ARL6: variants seen among roughly 807,000 people sequenced by gnomAD.
ARL6 encodes ADP-ribosylation factor-like protein 6.
Under a neutral mutation model 27.1 loss-of-function variants are expected in ARL6, and 18 were observed. The observed-to-expected ratio is 0.66, with a 90% CI of 0.46 to 0.98. The LOEUF (loss-of-function observed/expected upper bound fraction) is 0.98, where lower values mean the gene tolerates loss of function less well. ARL6 is among the 50% of genes least tolerant of loss of function. ARL6 has a pLI of 0.00. For synonymous variants in ARL6, 65 were observed against 72.3 expected (o/e 0.90, Z 0.51); for missense variants, 187 against 214.9 (o/e 0.87, Z 0.81).
In ARL6 at chr3:97,801,184, C is replaced by A. The variant is rs2038242108; in HGVS notation, c.*3135C>A. ...AAATAAATGACTGGTATTACAAGGT[C>A]ACCTAAATAAATAGGTTTGTGTACG... On this transcript the variant is annotated 3_prime_UTR_variant, in exon 8 of 8. Transcript: ENST00000463745. 1 of 152,114 alleles carries A rather than the reference C, an allele frequency of 6.6e-6. No individual in the cohort carries two copies. Among genetic ancestry groups the A allele is most frequent in the Non-Finnish European group, 1.5e-5 (1 of 68,022 alleles). 9.4% of individuals were successfully genotyped at this position (152,114 alleles called of 1,614,324 possible). A position where few individuals can be genotyped will look rare whatever the true frequency, so the allele number is the denominator to read the frequency against.
chr3:97,784,852 G>T, intron 4 of ARL6, 103 bp from the exon 5 acceptor site: 1 of 762,608 alleles, frequency 1.3e-6, no homozygotes. Context: ...ATGGACATAG[G>T]ACATAAGGAG....
At chr3:97,766,015 G>A (rs1162601950) in intron 1 of ARL6, 2 of 152,148 alleles carry the variant, frequency 1.3e-5, no homozygotes, top group Non-Finnish European at 2.9e-5. Flanking sequence ...CTTCTAAATT[G>A]TGTGTCCCAA....
intron 7 of ARL6, among the ~76,000 whole-genome samples, chr3:97,796,085 G>A (rs942216456): frequency 6.6e-6 from 1 of 152,086 alleles, no homozygotes; most frequent in African/African-American, 2.4e-5. Flanking sequence ...CTTCACACAC[G>A]TTTGCAAATT....
At chr3:97,778,039 A>G (rs1467752227) in intron 2 of ARL6, among the ~76,000 whole-genome samples, 3 of 152,184 alleles carry the variant, frequency 2.0e-5, no homozygotes, top group Non-Finnish European at 4.4e-5. Context: ...ACATTTTTTG[A>G]GACTTCTTTA....
chr3:97,794,578 G>T (rs1576478675), intron 7 of ARL6, among the ~76,000 whole-genome samples: 1 of 152,024 alleles, frequency 6.6e-6, no homozygotes, highest in African/African-American at 2.4e-5. Flanking sequence ...ACTGTCTCTA[G>T]ATTTGAAAAG....
At chr3:97,771,737 G>C (rs1445543291) in intron 2 of ARL6, among the ~76,000 whole-genome samples, 3 of 151,924 alleles carry the variant, frequency 2.0e-5, no homozygotes, top group Non-Finnish European at 4.4e-5. Context: ...GAGAGTTTTT[G>C]TCATAAAGAG....
chr3:97,795,450 T>G (rs2037954963), intron 7 of ARL6, among the ~76,000 whole-genome samples: 1 of 152,226 alleles, frequency 6.6e-6, no homozygotes. Flanking sequence ...GAAAGAAGAT[T>G]GATCAAGTAT....
At position 97,780,597 on chromosome 3, in the gene ARL6, T is replaced by C. The variant is rs77906443; in HGVS notation, c.186-18T>C. 0.019 allele frequency: 30,901 copies of C among 1,604,612 alleles called. 577 individuals carry two copies. The highest frequency in any genetic ancestry group is 0.096 in the African/African-American group (7,161 of 74,758). ...TGCTTTAGTTTATAATGTAGTCATGTTTTGCTTCTTTTTGTAGTTTGTCAT... is the reference window on the plus strand; with the variant it reads ...TGCTTTAGTTTATAATGTAGTCATGCTTTGCTTCTTTTTGTAGTTTGTCAT... On this transcript the variant is annotated intron_variant, in intron 3 of 7. Coordinates refer to ENST00000463745, the MANE Select transcript of ARL6 (RefSeq NM_001278293.3).
intron 1 of ARL6, among the ~76,000 whole-genome samples, chr3:97,767,586 G>A (rs1002369646): frequency 4.2e-4 from 64 of 152,224 alleles, no homozygotes; most frequent in African/African-American, 1.5e-3. Flanking sequence ...TAACAATGGG[G>A]CTGGCTTCTG....
chr3:97,798,139 T>C lies in ARL6; in HGVS notation c.*90T>C. The C allele has an allele frequency of 1.5e-6, 2 of 1,311,896 alleles. No homozygotes were observed. Among genetic ancestry groups the C allele is most frequent in the Middle Eastern group, 1.9e-4 (1 of 5,370 alleles). The allele number at this position is 1,311,896 out of a possible 1,614,324, so 81.3% of individuals were successfully genotyped here. ...ACATTTTGTAAAAGATGTTTATGCA[T>C]CAAAAAATATAATTTTCTGCTTGCA... On this transcript the variant is annotated 3_prime_UTR_variant, in exon 8 of 8. Transcript: ENST00000463745.
At position 97,776,939 on chromosome 3, in the gene ARL6, G is replaced by A. The variant is rs575505924; in HGVS notation, c.124-3220G>A. ...CTCCCAAAGTGCTGGGATTACAGGC[G>A]TGAGCCTCCGTGCCTGGCCACCCTT... On this transcript the variant is annotated intron_variant, in intron 2 of 7. Coordinates refer to ENST00000463745, the MANE Select transcript of ARL6 (RefSeq NM_001278293.3). 2.0e-5 allele frequency among the ~76,000 whole-genome samples: 3 copies of A among 152,336 alleles called. No individual in the cohort carries two copies. In the East Asian group the frequency reaches 5.8e-4, roughly 29 times the overall value.
rs1506445 is a variant in ARL6, at chr3:97,765,869, T to C, written c.-28+892T>C. On this transcript the variant is annotated intron_variant, in intron 1 of 7. Transcript: ENST00000463745. ...ATTGACTGGCTTCAATTATCTTTTA[T>C]TTATGCATGCAGAAAGTCAACTTAT... The C allele has an allele frequency of 5.9e-5, 9 of 152,370 alleles. No individual in the cohort carries two copies. In the East Asian group the frequency reaches 1.7e-3, roughly 29 times the overall value. 9.4% of individuals were successfully genotyped at this position (152,370 alleles called of 1,614,324 possible). A position where few individuals can be genotyped will look rare whatever the true frequency, so the allele number is the denominator to read the frequency against.
At position 97,780,515 on chromosome 3, in the gene ARL6, G is replaced by A. The variant is rs1206367726; in HGVS notation, c.186-100G>A. 3.0e-5 allele frequency: 28 copies of A among 939,390 alleles called. No individual in the cohort carries two copies. The Admixed American group carries it at 4.8e-4, about 16-fold the overall frequency. The allele number at this position is 939,390 out of a possible 1,614,324, so 58.2% of individuals were successfully genotyped here. On this transcript the variant is annotated intron_variant, in intron 3 of 7. Transcript: ENST00000463745. The stretch of plus-strand genomic sequence containing the variant: ...TGTAAATTGGCACATGTTGAATATT[G>A]CATATGAAGGGTAATTTCTTTGATT...
chr3:97,783,251 A>G (rs1046756595), intron 4 of ARL6, among the ~76,000 whole-genome samples: 7 of 151,756 alleles, frequency 4.6e-5, no homozygotes, highest in Admixed American at 3.3e-4. Flanking sequence ...TTTGAAATAT[A>G]TAACATATAC....
intron 1 of ARL6, among the ~76,000 whole-genome samples, chr3:97,766,269 T>G (rs1018499393): frequency 3.3e-5 from 5 of 152,182 alleles, no homozygotes; most frequent in Non-Finnish European, 7.3e-5. Context: ...ATAAAGTGAG[T>G]AATAGCAAAT....
rs1460870340 is a variant in ARL6 at position 97,800,026 on chromosome 3, T to G, written c.*1977T>G. 1 of 152,130 alleles carries G rather than the reference T, an allele frequency of 6.6e-6. No individual in the cohort carries two copies. Among genetic ancestry groups the G allele is most frequent in the Non-Finnish European group, 1.5e-5 (1 of 68,004 alleles). The allele number at this position is 152,130 out of a possible 1,614,324, so 9.4% of individuals were successfully genotyped here. On this transcript the variant is annotated 3_prime_UTR_variant, in exon 8 of 8. Coordinates refer to ENST00000463745, the MANE Select transcript of ARL6 (RefSeq NM_001278293.3). ...GTTTTCTTTTTTTTTCTTTTAAAGC[T>G]ATTAACACTACTCAAATTTTAAACT...
rs147977416 is a variant in ARL6 at position 97,791,015 on chromosome 3, C to A, written c.480-756C>A. Among the ~76,000 whole-genome samples, 533 of 152,066 alleles carry A rather than the reference C, an allele frequency of 3.5e-3. 6 individuals are homozygous for A. Among genetic ancestry groups the A allele is most frequent in the African/African-American group, 0.012 (501 of 41,510 alleles). On this transcript the variant is annotated intron_variant, in intron 6 of 7. Transcript: ENST00000463745. ...AAAGATTATCTGATCCTCTAAAAAT[C>A]CTCTGCATTTTATTATTTTAATTTA...
chr3:97,781,466 T>C (rs1165782237), intron 4 of ARL6, among the ~76,000 whole-genome samples: 2 of 152,088 alleles, frequency 1.3e-5, no homozygotes, highest in Non-Finnish European at 2.9e-5. Context: ...AGCATATAAA[T>C]GAGGTCATAT....
At chr3:97,795,843 C>CT (rs1183833625) in intron 7 of ARL6, among the ~76,000 whole-genome samples, 1 of 152,156 alleles carries the variant, frequency 6.6e-6, no homozygotes, top group Non-Finnish European at 1.5e-5. Flanking sequence ...GCACAACTGT[C>CT]TGGTGGTGCT....
Sources: allele counts gnomAD v4.1 joint callset (sites outside exome capture counted in the v4.1 genomes callset), GRCh38; gene constraint gnomAD v4.1.1; transcripts MANE v1.5; gene names NCBI Gene and HGNC (gene_info 2026-07-23, HGNC 2026-07-21).